Variants in SV2C observed in about 807,000 individuals in gnomAD.
SV2C encodes solute carrier family 22 member B3.
A neutral mutation model predicts 79.7 loss-of-function variants in SV2C; 49 were observed. The observed-to-expected ratio is 0.61, with a 90% CI of 0.49 to 0.78. The LOEUF (loss-of-function observed/expected upper bound fraction) is 0.78. SV2C is among the 30% of genes least tolerant of loss of function. The probability of loss-of-function intolerance (pLI) is 0.00; values close to 1 mark genes in which losing one functional copy is unlikely to be tolerated. For missense variants in SV2C, 833 were observed against 912.9 expected (o/e 0.91, Z 1.13); for synonymous variants, 334 against 333.2 (o/e 1.00, Z -0.03).
At chr5:75,966,132 T>G in the SV2C span, among the ~76,000 whole-genome samples, 1 of 152,188 alleles carries the variant, frequency 6.6e-6, no homozygotes, top group Admixed American at 6.5e-5. Flanking sequence ...GAAAGTATAG[T>G]GAAAAAGGAA....
At chr5:76,265,248 G>T (rs369367324) in intron 4 of SV2C, among the ~76,000 whole-genome samples, 46 of 152,162 alleles carry the variant, frequency 3.0e-4, no homozygotes, top group African/African-American at 1.1e-3. Context: ...CCTTAGTGCC[G>T]ACAGTGGGAA....
the SV2C span, among the ~76,000 whole-genome samples, chr5:76,007,579 G>A: frequency 6.6e-6 from 1 of 152,066 alleles, no homozygotes; most frequent in South Asian, 2.1e-4. Context: ...CTTATTAACT[G>A]TACAGTACTT....
intron 2 of SV2C, among the ~76,000 whole-genome samples, chr5:76,188,096 C>T (rs986870018): frequency 3.3e-5 from 5 of 151,946 alleles, no homozygotes; most frequent in African/African-American, 4.8e-5. Flanking sequence ...CCCATCTCTA[C>T]GAAAAATACA....
At chr5:76,179,399 TCA>T (rs1283151490) in intron 2 of SV2C, among the ~76,000 whole-genome samples, 1 of 152,154 alleles carries the variant, frequency 6.6e-6, no homozygotes, top group Admixed American at 6.5e-5. Flanking sequence ...TGTTTTTGAG[TCA>T]CAATATAATA....
chr5:76,018,402 C>G, the SV2C span, among the ~76,000 whole-genome samples: 3 of 151,986 alleles, frequency 2.0e-5, no homozygotes, highest in South Asian at 4.1e-4. Context: ...TTCAAAAAGT[C>G]TTTTCTCCAC....
the SV2C span, among the ~76,000 whole-genome samples, chr5:76,052,025 G>A: frequency 1.3e-5 from 2 of 152,078 alleles, no homozygotes; most frequent in East Asian, 3.9e-4. Context: ...AGCATGTGGA[G>A]CCTGCATGTT....
At chr5:75,921,713 G>T in the SV2C span, 2 of 465,542 alleles carry the variant, frequency 4.3e-6, no homozygotes, top group South Asian at 4.2e-5. Context: ...AGAACAGAGG[G>T]TATAAAATAT....
chr5:76,002,705 A>T, the SV2C span, among the ~76,000 whole-genome samples: 1 of 152,182 alleles, frequency 6.6e-6, no homozygotes, highest in African/African-American at 2.4e-5. Context: ...ATTGATAGTT[A>T]CACAGCAGAA....
chr5:76,009,556 T>C, the SV2C span, among the ~76,000 whole-genome samples: 1 of 152,184 alleles, frequency 6.6e-6, no homozygotes, highest in Non-Finnish European at 1.5e-5. Flanking sequence ...GTGGTACGTA[T>C]ACACCATGGA....
At chr5:76,141,316 C>G (rs1264368640) in intron 2 of SV2C, among the ~76,000 whole-genome samples, 2 of 152,168 alleles carry the variant, frequency 1.3e-5, no homozygotes, top group African/African-American at 4.8e-5. Flanking sequence ...AGCTCTGAAC[C>G]TGAAGGCAGA....
At chr5:75,964,408 C>A in the SV2C span, among the ~76,000 whole-genome samples, 32 of 152,108 alleles carry the variant, frequency 2.1e-4, no homozygotes, top group Non-Finnish European at 3.5e-4. Flanking sequence ...ATAAAGATAT[C>A]AGTTATCTTG....
At chr5:76,126,249 G>A (rs973441510) in intron 1 of SV2C, among the ~76,000 whole-genome samples, 8 of 152,122 alleles carry the variant, frequency 5.3e-5, no homozygotes, top group Non-Finnish European at 1.0e-4. Flanking sequence ...AATAAAGAAA[G>A]GAAATCGTTT....
At chr5:75,940,541 A>C in the SV2C span, among the ~76,000 whole-genome samples, 1 of 152,154 alleles carries the variant, frequency 6.6e-6, no homozygotes, top group Non-Finnish European at 1.5e-5. Context: ...GAAAATTTGC[A>C]GGCCAGGCAC....
At chr5:76,096,831 T>C (rs910967311) in intron 1 of SV2C, among the ~76,000 whole-genome samples, 12 of 152,174 alleles carry the variant, frequency 7.9e-5, no homozygotes, top group African/African-American at 2.9e-4. Context: ...AAAGAATTCT[T>C]TCTCTCTGCC....
the SV2C span, among the ~76,000 whole-genome samples, chr5:76,019,168 G>A: frequency 2.0e-5 from 3 of 152,190 alleles, no homozygotes; most frequent in Non-Finnish European, 4.4e-5. Context: ...GTACAGGAGG[G>A]AGAAAGAGAA....
intron 1 of SV2C, among the ~76,000 whole-genome samples, chr5:76,117,179 A>C (rs58360941): frequency 0.021 from 3,201 of 152,314 alleles, 117 homozygotes; most frequent in African/African-American, 0.074. Context: ...CAACCAATGG[A>C]TCTGGCAGAA....
the SV2C span, among the ~76,000 whole-genome samples, chr5:75,968,734 A>T: frequency 6.6e-6 from 1 of 152,230 alleles, no homozygotes; most frequent in Non-Finnish European, 1.5e-5. Context: ...GAATGGAACC[A>T]AGTTGGAAAA....
chr5:75,881,593 CTGTT>C, the SV2C span, among the ~76,000 whole-genome samples: 12 of 151,998 alleles, frequency 7.9e-5, no homozygotes, highest in African/African-American at 2.2e-4. Context: ...ATTTGGCTCT[CTGTT>C]TGTCTGTTGT....
Position 76,223,505 on chromosome 5 carries a change from A to G in SV2C, c.913+13618A>G, listed in dbSNP as rs558877516. On this transcript the variant is annotated intron_variant, in intron 4 of 12. Coordinates refer to ENST00000502798, the MANE Select transcript of SV2C (RefSeq NM_014979.4). ...TATATATATATATATATGTATATGT[A>G]TATAAAGATTTCATAAGAGACTGAA... Among the ~76,000 whole-genome samples the G allele has an allele frequency of 4.9e-3, 617 of 126,432 alleles. 35 individuals are homozygous for G. The highest frequency in any genetic ancestry group is 0.018 in the African/African-American group (575 of 32,112). The allele number at this position is 126,432 out of a possible 152,430, so 82.9% of individuals were successfully genotyped here.
Sources: allele counts gnomAD v4.1 joint callset (sites outside exome capture counted in the v4.1 genomes callset), GRCh38; gene constraint gnomAD v4.1.1; transcripts MANE v1.5; gene names NCBI Gene and HGNC (gene_info 2026-07-23, HGNC 2026-07-21).